The following WNT16 variants were observed in gnomAD, a reference collection of about 807,000 sequenced individuals.
WNT16 encodes the protein protein Wnt-16.
In WNT16, 20 loss-of-function variants were observed where a neutral mutation model predicts 35.4. That is an observed-to-expected ratio of 0.56 (90% CI 0.40 to 0.82). WNT16 has a LOEUF of 0.82. WNT16 is among the 40% of genes least tolerant of loss of function. The probability of loss-of-function intolerance (pLI) is 0.00; values close to 1 mark genes in which losing one functional copy is unlikely to be tolerated. For synonymous variants in WNT16, 180 were observed against 179.2 expected, an observed-to-expected ratio of 1.00 and a Z score of -0.03; for missense variants, 461 against 466.0, an observed-to-expected ratio of 0.99 and a Z score of 0.10.
At position 121,331,845 on chromosome 7, in the gene WNT16, G is replaced by A. The variant is rs1414467820; in HGVS notation, c.514G>A (p.Val172Ile). The change falls in exon 3 of 4, where the codon GTC (valine) becomes ATC (isoleucine). Residue 172 changes from valine (V) to isoleucine (I), a missense_variant. Transcript: ENST00000222462. ...GCACTGGGGGGGCTGCTCCGATGAT[G>A]TCCAGTATGGCATGTGGTTCAGCAG... ...GWHWGGCSDD[V>I]QYGMWFSRKF... 2 of 1,614,178 alleles carry A rather than the reference G, an allele frequency of 1.2e-6. No homozygotes were observed. The highest frequency in any genetic ancestry group is 1.7e-6 in the Non-Finnish European group (2 of 1,180,036).
upstream of WNT16, among the ~76,000 whole-genome samples, chr7:121,327,885 T>C (rs1793268125): frequency 6.6e-6 from 1 of 152,184 alleles, no homozygotes; most frequent in Non-Finnish European, 1.5e-5. Flanking sequence ...TTAACTAACC[T>C]TCCAAATCTG....
chr7:121,338,317 T>C (rs1028787480), intron 3 of WNT16, among the ~76,000 whole-genome samples: 4 of 152,226 alleles, frequency 2.6e-5, no homozygotes, highest in African/African-American at 7.2e-5. Flanking sequence ...AGTTCCATGA[T>C]GTTTCTATGC....
rs1360549959 is a variant in WNT16, at chr7:121,338,888, C to T, written c.641C>T (p.Ala214Val). 1.2e-6 allele frequency: 2 copies of T among 1,611,454 alleles called. No individual in the cohort carries two copies. The highest frequency in any genetic ancestry group is 2.2e-5 in the South Asian group (2 of 90,936). The change falls in exon 4 of 4, where the codon GCC (alanine) becomes GTC (valine). Residue 214 changes from alanine (A) to valine (V), a missense_variant. By Grantham distance (64) the Ala-to-Val change is moderately conservative. Transcript: ENST00000222462. ...HNNEAGRQAV[A>V]KLMSVDCRCH... ...AATTACTGTTGGTTTCAGGCTGTCGCCAAGTTGATGTCAGTAGACTGCCGC... is the reference window on the plus strand; with the variant it reads ...AATTACTGTTGGTTTCAGGCTGTCGTCAAGTTGATGTCAGTAGACTGCCGC...
At chr7:121,330,630 C>T (rs957409834) in intron 2 of WNT16, among the ~76,000 whole-genome samples, 1 of 150,454 alleles carries the variant, frequency 6.6e-6, no homozygotes, top group Non-Finnish European at 1.5e-5. Context: ...GCAGTCCCTG[C>T]GCGCACCCCC....
At chr7:121,338,686 A>T (rs1208743291) in intron 3 of WNT16, among the ~76,000 whole-genome samples, 195 bp from the exon 4 acceptor site, 1 of 152,240 alleles carries the variant, frequency 6.6e-6, no homozygotes, top group East Asian at 1.9e-4. Flanking sequence ...AATTTGGACA[A>T]AACATTTGGG....
chr7:121,340,303 T>C lies in WNT16; in HGVS notation c.*958T>C, dbSNP rs1344416105. The C allele has an allele frequency of 3.3e-5, 5 of 152,178 alleles. No homozygotes were observed. Among genetic ancestry groups the C allele is most frequent in the African/African-American group, 7.2e-5 (3 of 41,462 alleles). The allele number at this position is 152,178 out of a possible 1,614,324, so 9.4% of individuals were successfully genotyped here. ...GTTTAAAAAGTTTCTATTTTGTAAA[T>C]ACAGTACTTAAGTTATATGATTTAT... On this transcript the variant is annotated 3_prime_UTR_variant, in exon 4 of 4. Transcript: ENST00000222462.
At chr7:121,335,984 CTT>C (rs1491341258) in intron 3 of WNT16, among the ~76,000 whole-genome samples, 15 of 117,882 alleles carry the variant, frequency 1.3e-4, no homozygotes, top group Admixed American at 1.1e-3. Context: ...TAGAATTAAA[CTT>C]TGTGTGTGTG....
Position 121,340,310 on chromosome 7 carries a change from C to T in WNT16, c.*965C>T, listed in dbSNP as rs987262888. 2.0e-5 allele frequency: 3 copies of T among 152,092 alleles called. No individual in the cohort carries two copies. The highest frequency in any genetic ancestry group is 6.5e-5 in the Admixed American group (1 of 15,272). 9.4% of individuals were successfully genotyped at this position (152,092 alleles called of 1,614,324 possible). A position where few individuals can be genotyped will look rare whatever the true frequency, so the allele number is the denominator to read the frequency against. Reference sequence around the variant, plus strand: ...AAGTTTCTATTTTGTAAATACAGTACTTAAGTTATATGATTTATATTAAAA... The same window carrying T: ...AAGTTTCTATTTTGTAAATACAGTATTTAAGTTATATGATTTATATTAAAA... On this transcript the variant is annotated 3_prime_UTR_variant, in exon 4 of 4. Coordinates refer to ENST00000222462, the MANE Select transcript of WNT16 (RefSeq NM_057168.2).
chr7:121,331,943 T>G lies in WNT16; in HGVS notation c.612T>G (p.His204Gln). Reference sequence around the variant, plus strand: ...AAGTACTATTAGCAATGAACCTACATAACAATGAAGCTGGAAGGCAGGTAT... The same window carrying G: ...AAGTACTATTAGCAATGAACCTACAGAACAATGAAGCTGGAAGGCAGGTAT... ...ENKVLLAMNL[H>Q]NNEAGRQAVA... is the part of the protein sequence containing the mutation. The change falls in exon 3 of 4, where the codon CAT becomes CAG. Residue 204 changes from histidine (H) to glutamine (Q), a missense_variant. Coordinates refer to ENST00000222462, the MANE Select transcript of WNT16 (RefSeq NM_057168.2). The G allele has an allele frequency of 6.2e-7, 1 of 1,613,908 alleles. No homozygotes were observed. The highest frequency in any genetic ancestry group is 2.2e-5 in the East Asian group (1 of 44,900).
upstream of WNT16, among the ~76,000 whole-genome samples, chr7:121,327,060 G>A (rs553792437): frequency 8.5e-5 from 13 of 152,274 alleles, no homozygotes; most frequent in South Asian, 6.2e-4. Context: ...CAATGAATCC[G>A]CCATTGTCCC....
chr7:121,329,530 G>C lies in WNT16; in HGVS notation c.96-37G>C. ...TTTTTCGGAAAACATCTGGAATTGG[G>C]GAGCGGCTTAACGCTACGGGCGGCC... On this transcript the variant is annotated intron_variant, in intron 1 of 3. Coordinates refer to ENST00000222462, the MANE Select transcript of WNT16 (RefSeq NM_057168.2). The C allele has an allele frequency of 1.9e-6, 3 of 1,608,146 alleles. No homozygotes were observed. The African/African-American group carries it at 4.0e-5, about 21-fold the overall frequency.
intron 3 of WNT16, 69 bp downstream of exon 3, chr7:121,332,033 C>T (rs1793358524): frequency 8.4e-6 from 13 of 1,551,384 alleles, no homozygotes; most frequent in Non-Finnish European, 1.1e-5. Context: ...TACACATCTG[C>T]ATGAAACTGT....
chr7:121,326,668 C>T (rs186317672), upstream of WNT16, among the ~76,000 whole-genome samples: 287 of 152,250 alleles, frequency 1.9e-3, no homozygotes, highest in Admixed American at 3.3e-3. Flanking sequence ...ATTTATTGCA[C>T]GTATTATAGC....
chr7:121,338,871 T>C lies in WNT16; in HGVS notation c.634-10T>C. ...GATTGATAGTTGAACACAATTACTG[T>C]TGGTTTCAGGCTGTCGCCAAGTTGA... On this transcript the variant is annotated splice_polypyrimidine_tract_variant and intron_variant, in intron 3 of 3. Coordinates refer to ENST00000222462, the MANE Select transcript of WNT16 (RefSeq NM_057168.2). 6.2e-7 allele frequency: 1 copy of C among 1,607,668 alleles called. No individual in the cohort carries two copies. Among genetic ancestry groups the C allele is most frequent in the Non-Finnish European group, 8.5e-7 (1 of 1,176,874 alleles).
upstream of WNT16, chr7:121,328,948 A>G (rs551156030): frequency 1.1e-6 from 1 of 888,440 alleles, no homozygotes; most frequent in East Asian, 7.2e-5. Flanking sequence ...AGGCGCGGCC[A>G]GGGGGAGGAG....
At chr7:121,325,530 A>G (rs772652974), upstream of WNT16, 9 of 1,569,078 alleles carry the variant, frequency 5.7e-6, no homozygotes, top group African/African-American at 6.8e-5. Context: ...CAATGTTTCA[A>G]TGGAGAGATC....
chr7:121,329,821 A>G lies in WNT16; in HGVS notation c.346+4A>G. On this transcript the variant is annotated splice_donor_region_variant and intron_variant, in intron 2 of 3. Transcript: ENST00000222462. ...TTTGGCTACGAGCTGAGCAGCGGTG[A>G]GTCCTGGGTCCTTAGGGGTTGGTGG... 6.2e-6 allele frequency: 10 copies of G among 1,600,628 alleles called. No individual in the cohort carries two copies. Among genetic ancestry groups the G allele is most frequent in the Non-Finnish European group, 5.9e-6 (7 of 1,179,806 alleles).
At chr7:121,325,486 T>C, upstream of WNT16, 1 of 1,610,224 alleles carries the variant, frequency 6.2e-7, no homozygotes, top group Admixed American at 1.7e-5. Context: ...CTATGGTGGG[T>C]TTTGTTTATT....
rs1056390478 is a variant in WNT16 at position 121,340,892 on chromosome 7, G to GA, written c.*1554dup. The GA allele has an allele frequency of 2.0e-4, 31 of 151,890 alleles. No homozygotes were observed. Among genetic ancestry groups the GA allele is most frequent in the Admixed American group, 2.0e-3 (30 of 15,260 alleles). The allele number at this position is 151,890 out of a possible 1,614,324, so 9.4% of individuals were successfully genotyped here. On this transcript the variant is annotated 3_prime_UTR_variant, in exon 4 of 4. Transcript: ENST00000222462. ...TTGTTAAATATTTCAGTATTATATA[G>GA]AAAAAAATAGATTTTTAAAATTCAG...
Sources: gnomAD v4.1 joint callset for allele counts (sites outside exome capture counted in the v4.1 genomes callset) on GRCh38, gnomAD v4.1.1 for gene constraint, MANE v1.5 for transcripts, NCBI Gene and HGNC (gene_info 2026-07-23, HGNC 2026-07-21) for gene names.